ZNF362: variants seen among roughly 807,000 people sequenced by gnomAD.
ZNF362 encodes rotund homolog.
In ZNF362, 11 loss-of-function variants were observed where a neutral mutation model predicts 42.9. The ratio of observed to expected loss-of-function variants is 0.26; its 90% confidence interval spans 0.16 to 0.42. The LOEUF is 0.42. Ranked by LOEUF, ZNF362 falls within the 20% of genes least tolerant of loss-of-function variation. The pLI, the probability that ZNF362 is intolerant of heterozygous loss-of-function variation, is 1.00. For missense variants in ZNF362, 362 were observed against 576.2 expected, an observed-to-expected ratio of 0.63 and a Z score of 3.81; for synonymous variants, 255 against 257.3, an observed-to-expected ratio of 0.99 and a Z score of 0.09.
chr1:33,255,212 C>T (rs1055116149), upstream of ZNF362, among the ~76,000 whole-genome samples: 4 of 152,236 alleles, frequency 2.6e-5, no homozygotes, highest in Admixed American at 1.3e-4. Context: ...TTCGTGAGGG[C>T]AGGGGCATTA....
the ZNF362 span, among the ~76,000 whole-genome samples, chr1:33,226,062 G>T: frequency 6.6e-6 from 1 of 152,066 alleles, no homozygotes; most frequent in Admixed American, 6.5e-5. Flanking sequence ...TGGGAGGGTG[G>T]GTGTCAAGCC....
the ZNF362 span, among the ~76,000 whole-genome samples, chr1:33,152,899 C>T: frequency 0.017 from 2,549 of 152,148 alleles, 69 homozygotes; most frequent in African/African-American, 0.058. Flanking sequence ...GCAGGCTGCT[C>T]CTGGTGTCCT....
chr1:33,187,825 T>C, the ZNF362 span, among the ~76,000 whole-genome samples: 1 of 152,222 alleles, frequency 6.6e-6, no homozygotes, highest in East Asian at 1.9e-4. Context: ...ATTTGCCAAG[T>C]GGGTCATTGG....
the ZNF362 span, among the ~76,000 whole-genome samples, chr1:33,153,829 C>T: frequency 3.3e-5 from 5 of 152,206 alleles, no homozygotes; most frequent in Admixed American, 3.3e-4. Flanking sequence ...AGGATCCATT[C>T]ATTTTGTTAT....
the ZNF362 span, among the ~76,000 whole-genome samples, chr1:33,232,550 C>T: frequency 2.6e-5 from 4 of 152,290 alleles, no homozygotes; most frequent in Middle Eastern, 3.4e-3. Flanking sequence ...CGTGAGCCAC[C>T]GCGCCCGGCC....
chr1:33,187,121 C>T, the ZNF362 span, among the ~76,000 whole-genome samples: 1 of 152,112 alleles, frequency 6.6e-6, no homozygotes, highest in Non-Finnish European at 1.5e-5. Flanking sequence ...GCATCCCACC[C>T]AAAGGGTGAG....
intron 1 of ZNF362, among the ~76,000 whole-genome samples, chr1:33,263,055 C>G (rs917411850): frequency 2.6e-5 from 4 of 152,254 alleles, no homozygotes; most frequent in Non-Finnish European, 5.9e-5. Flanking sequence ...CTGTACACAG[C>G]TCTGTTCACT....
rs1289454454 is a variant in ZNF362, at chr1:33,258,096, C to G, written c.-89+1442C>G. Reference sequence around the variant, plus strand: ...AAAGGTAGTCTGGTTTGCTAGACCTCCTCGGTGTGAGCCTCACCCCTGTAG... The same window carrying G: ...AAAGGTAGTCTGGTTTGCTAGACCTGCTCGGTGTGAGCCTCACCCCTGTAG... On this transcript the variant is annotated intron_variant, in intron 1 of 8. Coordinates refer to ENST00000539719, the MANE Select transcript of ZNF362 (RefSeq NM_152493.3). Among the ~76,000 whole-genome samples the G allele has an allele frequency of 5.3e-5, 8 of 152,352 alleles. No individual in the cohort carries two copies. In the South Asian group the frequency reaches 1.4e-3, roughly 28 times the overall value.
At chr1:33,284,563 T>G (rs1445342409) in intron 6 of ZNF362, among the ~76,000 whole-genome samples, 1 of 152,256 alleles carries the variant, frequency 6.6e-6, no homozygotes, top group Non-Finnish European at 1.5e-5. Flanking sequence ...TTTGAACATT[T>G]CCTTGATGAT....
the ZNF362 span, among the ~76,000 whole-genome samples, chr1:33,244,722 T>C: frequency 1.3e-5 from 2 of 152,132 alleles, no homozygotes; most frequent in Non-Finnish European, 2.9e-5. The surrounding 1 kb of genome is among the most constrained non-coding windows in gnomAD (Gnocchi z 4.0). Flanking sequence ...CCTCAACAAC[T>C]TCGTAAAATG....
chr1:33,199,518 A>G, the ZNF362 span, among the ~76,000 whole-genome samples: 1 of 152,212 alleles, frequency 6.6e-6, no homozygotes, highest in Non-Finnish European at 1.5e-5. Context: ...CTTACAAGAA[A>G]TGTTAAAGGA....
At chr1:33,232,997 T>G in the ZNF362 span, among the ~76,000 whole-genome samples, 1 of 152,232 alleles carries the variant, frequency 6.6e-6, no homozygotes, top group Non-Finnish European at 1.5e-5. Context: ...TAGTCCCAAT[T>G]TACTAAGAAG....
chr1:33,249,643 G>GAGCATCT, the ZNF362 span, among the ~76,000 whole-genome samples: 2 of 152,274 alleles, frequency 1.3e-5, no homozygotes, highest in Non-Finnish European at 1.5e-5. Context: ...TTGGAAGACA[G>GAGCATCT]AGCATCTAGT....
chr1:33,276,736 G>A, intron 4 of ZNF362, 142 bp downstream of exon 4: 1 of 1,084,842 alleles, frequency 9.2e-7, no homozygotes, highest in Non-Finnish European at 1.2e-6. Flanking sequence ...AAAGCTTGGA[G>A]TGGCGGGGTT....
At chr1:33,229,491 C>T in the ZNF362 span, among the ~76,000 whole-genome samples, 1 of 151,514 alleles carries the variant, frequency 6.6e-6, no homozygotes, top group Non-Finnish European at 1.5e-5. Context: ...ACTGTAACCT[C>T]CACCTCCCGG....
Position 33,281,843 on chromosome 1 carries a change from C to G in ZNF362, c.908+32C>G. 6.2e-7 allele frequency: 1 copy of G among 1,607,402 alleles called. No homozygotes were observed. The highest frequency in any genetic ancestry group is 1.1e-5 in the South Asian group (1 of 90,852). ...GGCCTGCCTGCTGCCCTGCTGCAGCCCGACTCAGCTCAGCACCCGTGGCCT... is the reference window on the plus strand; with the variant it reads ...GGCCTGCCTGCTGCCCTGCTGCAGCGCGACTCAGCTCAGCACCCGTGGCCT... On this transcript the variant is annotated intron_variant, in intron 6 of 8. Transcript: ENST00000539719. The surrounding 1 kb of genome is among the most constrained non-coding windows in gnomAD (Gnocchi z 4.8).
intron 8 of ZNF362, among the ~76,000 whole-genome samples, chr1:33,297,866 C>T (rs1646136630): frequency 6.6e-6 from 1 of 152,198 alleles, no homozygotes; most frequent in African/African-American, 2.4e-5. Context: ...ATCGTAGTAG[C>T]TCAGTAGATC....
chr1:33,270,745 T>G, intron 2 of ZNF362, 133 bp downstream of exon 2: 1 of 1,470,970 alleles, frequency 6.8e-7, no homozygotes, highest in Non-Finnish European at 9.0e-7. Flanking sequence ...GGGGGAGGTG[T>G]GTGCTTACCC....
chr1:33,232,064 C>T, the ZNF362 span, among the ~76,000 whole-genome samples: 838 of 152,146 alleles, frequency 5.5e-3, 11 homozygotes, highest in African/African-American at 0.019. Context: ...CCCTTGAGGC[C>T]AAGCACTCAG....
Sources: allele counts gnomAD v4.1 joint callset (sites outside exome capture counted in the v4.1 genomes callset), GRCh38; gene constraint gnomAD v4.1.1; non-coding constraint Gnocchi (gnomAD v3.1); transcripts MANE v1.5; gene names NCBI Gene and HGNC (gene_info 2026-07-23, HGNC 2026-07-21).